DGKH: variants seen among roughly 807,000 people sequenced by gnomAD.
DGKH encodes the protein diacylglycerol kinase eta.
A neutral mutation model predicts 159.3 loss-of-function variants in DGKH; 90 were observed. The observed-to-expected ratio is 0.57, with a 90% CI of 0.48 to 0.67. DGKH has a LOEUF of 0.67. Among genes scored for constraint, DGKH ranks in the 30% least tolerant of loss-of-function variants. The probability of loss-of-function intolerance (pLI) is 0.00; values close to 1 mark genes in which losing one functional copy is unlikely to be tolerated. For missense variants in DGKH, 1,181 were observed against 1,506.1 expected (o/e 0.78, Z 3.57); for synonymous variants, 536 against 553.8 (o/e 0.97, Z 0.45).
chr13:42,079,253 A>T (rs1253297672), intron 1 of DGKH, among the ~76,000 whole-genome samples: 2 of 152,118 alleles, frequency 1.3e-5, no homozygotes, highest in Non-Finnish European at 2.9e-5. Flanking sequence ...GTACAAAGTT[A>T]TGGAGTATAT....
chr13:42,256,411 G>T, exon 31 of DGKH: 4 of 1,579,992 alleles, frequency 2.5e-6, no homozygotes, highest in Non-Finnish European at 3.5e-6. Context: ...AGGCAGCAAA[G>T]ATTGCTAAGA....
At chr13:42,069,156 T>TA in intron 1 of DGKH, 1 of 1,378,118 alleles carries the variant, frequency 7.3e-7, no homozygotes, top group South Asian at 1.3e-5. Flanking sequence ...TCCCATCCTC[T>TA]ACTGGCTCAG....
chr13:42,137,418 G>A (rs1955423204), intron 3 of DGKH, among the ~76,000 whole-genome samples: 1 of 152,102 alleles, frequency 6.6e-6, no homozygotes, highest in South Asian at 2.1e-4. Context: ...AAGAATTATT[G>A]TGATTCCCAT....
chr13:42,041,829 C>G (rs962563048), intron 1 of DGKH, among the ~76,000 whole-genome samples: 2 of 152,172 alleles, frequency 1.3e-5, no homozygotes, highest in Non-Finnish European at 1.5e-5. Context: ...AAGCCCCGTC[C>G]GAAATTTCTG....
intron 1 of DGKH, among the ~76,000 whole-genome samples, chr13:42,080,730 T>G (rs912632049): frequency 6.6e-6 from 1 of 152,154 alleles, no homozygotes; most frequent in Non-Finnish European, 1.5e-5. Flanking sequence ...TCTTGAAATC[T>G]GTAAGCTCCA....
At chr13:42,221,498 C>G (rs1026365747) in intron 29 of DGKH, 104 bp downstream of exon 29, 1 of 1,444,160 alleles carries the variant, frequency 6.9e-7, no homozygotes. Flanking sequence ...TTATGTCATG[C>G]AAATGTGTAG....
chr13:42,159,544 T>C (rs896912026), intron 6 of DGKH, among the ~76,000 whole-genome samples, 172 bp downstream of exon 6: 3 of 152,170 alleles, frequency 2.0e-5, no homozygotes, highest in African/African-American at 7.2e-5. Context: ...CTTTAGCTCT[T>C]AGATTTTGAA....
intron 9 of DGKH, among the ~76,000 whole-genome samples, chr13:42,167,072 T>A (rs1277462298): frequency 6.6e-6 from 1 of 152,180 alleles, no homozygotes; most frequent in African/African-American, 2.4e-5. Flanking sequence ...CTCATGGCTG[T>A]CAAGGGCAGT....
intron 1 of DGKH, among the ~76,000 whole-genome samples, chr13:42,090,192 A>G (rs1266292792): frequency 6.6e-6 from 1 of 152,220 alleles, no homozygotes; most frequent in East Asian, 1.9e-4. Context: ...AATAGTATCA[A>G]AATGAAATAT....
rs1211780281 is a variant in DGKH, at chr13:42,224,043, TC to T, written c.3573+2651del. Reference sequence around the variant, plus strand: ...TTCATTTAAGATAATGACCTCAAGTTCCATCCAAGTTGCTGCAAAAGACATG... The same window carrying T: ...TTCATTTAAGATAATGACCTCAAGTTCATCCAAGTTGCTGCAAAAGACATG... On this transcript the variant is annotated intron_variant, in intron 29 of 29. Transcript: ENST00000337343. 2.6e-5 allele frequency among the ~76,000 whole-genome samples: 4 copies of T among 152,324 alleles called. No individual in the cohort carries two copies. In the East Asian group the frequency reaches 7.7e-4, roughly 29 times the overall value.
intron 3 of DGKH, among the ~76,000 whole-genome samples, chr13:42,142,709 G>C (rs955495177): frequency 5.3e-5 from 8 of 152,056 alleles, no homozygotes; most frequent in Non-Finnish European, 1.0e-4. Context: ...TCTGTTATTG[G>C]TGTATAAGAA....
chr13:42,095,513 T>A (rs1156963561), intron 1 of DGKH, among the ~76,000 whole-genome samples: 1 of 152,124 alleles, frequency 6.6e-6, no homozygotes, highest in Non-Finnish European at 1.5e-5. Flanking sequence ...TAGAAGAAAT[T>A]ACATGTTGGA....
Position 42,060,113 on chromosome 13 carries a change from C to CCA in DGKH, c.192+11149_192+11150dup, listed in dbSNP as rs1478191807. On this transcript the variant is annotated intron_variant, in intron 1 of 29. Transcript: ENST00000337343. ...TAGAGATGGGGTTTCACCGTGTTGG[C>CCA]CAGGCTGGTCTCGAACTCCTGACCT... is the stretch of plus-strand genomic sequence containing the variant. Among the ~76,000 whole-genome samples the CCA allele has an allele frequency of 9.9e-5, 15 of 152,142 alleles. No homozygotes were observed. In the East Asian group the frequency reaches 2.3e-3, roughly 24 times the overall value.
chr13:42,168,900 A>G, intron 11 of DGKH, 82 bp downstream of exon 11: 1 of 1,413,128 alleles, frequency 7.1e-7, no homozygotes, highest in Non-Finnish European at 9.4e-7. Context: ...ATAAATATTT[A>G]TTAATAAATT....
downstream of DGKH, among the ~76,000 whole-genome samples, chr13:42,247,501 G>A (rs999108230): frequency 2.0e-5 from 3 of 147,544 alleles, no homozygotes; most frequent in Admixed American, 6.8e-5. Flanking sequence ...AAAGTGCTGG[G>A]ATTACAGGCG....
At position 42,080,629 on chromosome 13, in the gene DGKH, T is replaced by C. The variant is rs1292619859; in HGVS notation, c.192+31664T>C. On this transcript the variant is annotated intron_variant, in intron 1 of 29. Transcript: ENST00000337343. ...AAAAGGCTACTAAATATGACAATTGTGAATGAAGGAAAAATCAAGTCTACA... is the reference window on the plus strand; with the variant it reads ...AAAAGGCTACTAAATATGACAATTGCGAATGAAGGAAAAATCAAGTCTACA... Among the ~76,000 whole-genome samples, 6 of 152,322 alleles carry C rather than the reference T, an allele frequency of 3.9e-5. No individual in the cohort carries two copies. In the East Asian group the frequency reaches 1.2e-3, roughly 29 times the overall value.
chr13:42,205,418 A>G (rs566503059), intron 20 of DGKH, among the ~76,000 whole-genome samples: 1 of 152,346 alleles, frequency 6.6e-6, no homozygotes, highest in Admixed American at 6.5e-5. Flanking sequence ...CTCAGTAAGA[A>G]TTTATTCACA....
chr13:42,166,662 G>A lies in DGKH; in HGVS notation c.1106G>A (p.Gly369Asp), dbSNP rs1466728233. 3 of 1,594,060 alleles carry A rather than the reference G, an allele frequency of 1.9e-6. No individual in the cohort carries two copies. Among genetic ancestry groups the A allele is most frequent in the African/African-American group, 2.7e-5 (2 of 73,842 alleles). Residue 369 changes from glycine to aspartate, a missense_variant, in exon 9 of 30, where the codon GGT becomes GAT. Physicochemically the swap from Gly to Asp is moderately conservative, Grantham distance 94. Coordinates refer to ENST00000337343, the MANE Select transcript of DGKH (RefSeq NM_178009.5). ...PAQVFDLMNG[G>D]PHLGLRLFQK... ...CAGGTGTTTGATTTAATGAATGGAGGTCCTCATTTAGGGTAACTGATTATT... is the reference window on the plus strand; with the variant it reads ...CAGGTGTTTGATTTAATGAATGGAGATCCTCATTTAGGGTAACTGATTATT...
chr13:42,097,854 G>A (rs1376716182), intron 1 of DGKH, among the ~76,000 whole-genome samples: 1 of 152,162 alleles, frequency 6.6e-6, no homozygotes, highest in Non-Finnish European at 1.5e-5. Context: ...CCCAATCCTT[G>A]TTAGCTTCAT....
Sources: gnomAD v4.1 joint callset for allele counts (sites outside exome capture counted in the v4.1 genomes callset) on GRCh38, gnomAD v4.1.1 for gene constraint, MANE v1.5 for transcripts, NCBI Gene and HGNC (gene_info 2026-07-23, HGNC 2026-07-21) for gene names.